TMEM26: variants seen among roughly 807,000 people sequenced by gnomAD.
TMEM26 encodes transmembrane protein 26.
Under a neutral mutation model 28.8 loss-of-function variants are expected in TMEM26, and 38 were observed. The observed-to-expected ratio is 1.32, with a 90% CI of 1.02 to 1.73. The LOEUF (loss-of-function observed/expected upper bound fraction) is 1.73, where lower values mean the gene tolerates loss of function less well. Among genes scored for constraint, TMEM26 ranks in the 40% most tolerant of loss-of-function variants. The pLI, the probability that TMEM26 is intolerant of heterozygous loss-of-function variation, is 0.00. For synonymous variants in TMEM26, 227 were observed against 182.9 expected (o/e 1.24, Z -1.95); for missense variants, 518 against 447.1 (o/e 1.16, Z -1.43).
chr10:61,445,053 T>C (rs1220138065), intron 1 of TMEM26, among the ~76,000 whole-genome samples: 2 of 152,238 alleles, frequency 1.3e-5, no homozygotes, highest in African/African-American at 4.8e-5. Context: ...ATTAGCGTAC[T>C]CACCCTAAAA....
intron 4 of TMEM26, among the ~76,000 whole-genome samples, chr10:61,415,388 A>C (rs927756782): frequency 5.3e-5 from 8 of 152,120 alleles, no homozygotes; most frequent in Non-Finnish European, 1.0e-4. Flanking sequence ...CTCTTTACAC[A>C]GTCAATGTCT....
At chr10:61,420,564 C>A (rs1223087060) in intron 4 of TMEM26, among the ~76,000 whole-genome samples, 1 of 151,970 alleles carries the variant, frequency 6.6e-6, no homozygotes, top group East Asian at 1.9e-4. Flanking sequence ...AATGGTGGAT[C>A]TTTGTTTTTA....
intron 1 of TMEM26, among the ~76,000 whole-genome samples, chr10:61,436,912 C>A (rs1351725755): frequency 6.6e-6 from 1 of 152,188 alleles, no homozygotes; most frequent in Admixed American, 6.5e-5. Context: ...ATCCAACACA[C>A]TCAGGTTCAA....
At chr10:61,445,078 G>A (rs1840157296) in intron 1 of TMEM26, among the ~76,000 whole-genome samples, 1 of 152,130 alleles carries the variant, frequency 6.6e-6, no homozygotes, top group African/African-American at 2.4e-5. Context: ...AATTAAGATG[G>A]CAACTAATGT....
intron 1 of TMEM26, among the ~76,000 whole-genome samples, chr10:61,444,179 T>C (rs1224881895): frequency 6.6e-6 from 1 of 152,200 alleles, no homozygotes; most frequent in African/African-American, 2.4e-5. Context: ...TTTGTGAAAA[T>C]TTATTTGGTT....
rs1839649478 is a variant in TMEM26, at chr10:61,416,190, C to A, written c.606-2655G>T. Reference sequence around the variant, plus strand: ...CAATAGATGCAAAAGAAATTTTTCACAAGATCTTTTGAAGTTTCATCTAAT... The same window carrying A: ...CAATAGATGCAAAAGAAATTTTTCAAAAGATCTTTTGAAGTTTCATCTAAT... On this transcript the variant is annotated intron_variant, in intron 4 of 5. Transcript: ENST00000399298. The A allele has an allele frequency of 9.6e-6, 4 of 418,042 alleles. No individual in the cohort carries two copies. The Admixed American group carries it at 1.2e-4, about 12-fold the overall frequency. The allele number at this position is 418,042 out of a possible 1,614,324, so 25.9% of individuals were successfully genotyped here. A position where few individuals can be genotyped will look rare whatever the true frequency, so the allele number is the denominator to read the frequency against.
In TMEM26 at chr10:61,410,346, G is replaced by T; in HGVS notation, c.1083C>A (p.Ser361=). ...AIPLRGSPVT[S]DDSHHTP is the part of the protein sequence containing the mutation. ...ACTAAGGGGTGTGGTGGGAGTCGTCGGAGGTGACTGGGGAGCCCCGCAAAG... is the reference window on the plus strand; with the variant it reads ...ACTAAGGGGTGTGGTGGGAGTCGTCTGAGGTGACTGGGGAGCCCCGCAAAG... Residue 361 remains serine (S), a synonymous_variant, in exon 6 of 6, where the codon TCC becomes TCA. Coordinates refer to ENST00000399298, the MANE Select transcript of TMEM26 (RefSeq NM_178505.8). 6.2e-7 allele frequency: 1 copy of T among 1,613,098 alleles called. No homozygotes were observed. The highest frequency in any genetic ancestry group is 8.5e-7 in the Non-Finnish European group (1 of 1,179,364).
intron 4 of TMEM26, among the ~76,000 whole-genome samples, chr10:61,421,278 A>C (rs1045613918): frequency 3.3e-5 from 5 of 152,182 alleles, no homozygotes; most frequent in African/African-American, 1.2e-4. Flanking sequence ...AGAAAACAAA[A>C]GAGTAGAGGA....
Position 61,444,609 on chromosome 10 carries a change from G to A in TMEM26, c.191+8282C>T, listed in dbSNP as rs188646025. ...ACATTGTGTTCTAAGCAAAATCATCGCAGTCTTCCTTTAGCTGGTCACTTG... is the reference window on the plus strand; with the variant it reads ...ACATTGTGTTCTAAGCAAAATCATCACAGTCTTCCTTTAGCTGGTCACTTG... On this transcript the variant is annotated intron_variant, in intron 1 of 5. Coordinates refer to ENST00000399298, the MANE Select transcript of TMEM26 (RefSeq NM_178505.8). Among the ~76,000 whole-genome samples the A allele has an allele frequency of 1.5e-4, 22 of 148,122 alleles. No homozygotes were observed. The East Asian group carries it at 2.2e-3, about 15-fold the overall frequency.
chr10:61,418,892 G>C (rs183200649), intron 4 of TMEM26, among the ~76,000 whole-genome samples: 3 of 152,138 alleles, frequency 2.0e-5, no homozygotes, highest in Admixed American at 1.3e-4. Context: ...CAAAAGCTAA[G>C]GCAGACATGA....
chr10:61,429,600 C>G (rs761365628), intron 3 of TMEM26, among the ~76,000 whole-genome samples: 1 of 151,844 alleles, frequency 6.6e-6, no homozygotes, highest in Non-Finnish European at 1.5e-5. Flanking sequence ...CAAATCTTCT[C>G]TTTGTTTTTT....
chr10:61,417,599 A>G (rs1589027184), intron 4 of TMEM26, among the ~76,000 whole-genome samples: 1 of 151,942 alleles, frequency 6.6e-6, no homozygotes, highest in Non-Finnish European at 1.5e-5. Flanking sequence ...ATTAGCCTCA[A>G]CTCTGCAAAA....
intron 4 of TMEM26, among the ~76,000 whole-genome samples, chr10:61,417,862 C>T (rs890598013): frequency 2.6e-5 from 4 of 151,970 alleles, no homozygotes; most frequent in Non-Finnish European, 5.9e-5. Context: ...AAAAGGTCAG[C>T]AAATCCTTTC....
chr10:61,428,734 T>A lies in TMEM26; in HGVS notation c.605+192A>T, dbSNP rs1190898221. On this transcript the variant is annotated intron_variant, in intron 4 of 5. Transcript: ENST00000399298. ...CTTTCTCTAGCAGAAATCTCCTTTG[T>A]GTATTTCTTAAAAAACATAAAGACT... is the stretch of plus-strand genomic sequence containing the variant. 2.0e-5 allele frequency among the ~76,000 whole-genome samples: 3 copies of A among 152,160 alleles called. No homozygotes were observed. The East Asian group carries it at 5.8e-4, about 29-fold the overall frequency.
At chr10:61,430,065 G>A (rs1431641476) in intron 3 of TMEM26, among the ~76,000 whole-genome samples, 2 of 152,072 alleles carry the variant, frequency 1.3e-5, no homozygotes, top group Admixed American at 6.6e-5. Flanking sequence ...CCATCTGTAC[G>A]CTTTCTTATA....
At chr10:61,418,533 CA>C (rs899348517) in intron 4 of TMEM26, among the ~76,000 whole-genome samples, 5 of 151,736 alleles carry the variant, frequency 3.3e-5, no homozygotes, top group African/African-American at 1.2e-4. Context: ...AGCAAAAAAA[CA>C]AAAAAACCCT....
At chr10:61,419,589 A>G (rs996636102) in intron 4 of TMEM26, among the ~76,000 whole-genome samples, 3 of 152,124 alleles carry the variant, frequency 2.0e-5, no homozygotes, top group African/African-American at 7.2e-5. Context: ...GAGATGGCAG[A>G]AAAAACAATC....
chr10:61,443,583 C>T (rs12244720), intron 1 of TMEM26, among the ~76,000 whole-genome samples: 14,843 of 152,098 alleles, frequency 0.098, 1,536 homozygotes, highest in African/African-American at 0.26. Flanking sequence ...TTGAGAAAAT[C>T]CATTGCAATG....
chr10:61,417,445 C>A, intron 4 of TMEM26, among the ~76,000 whole-genome samples: 1 of 145,362 alleles, frequency 6.9e-6, no homozygotes, highest in Admixed American at 7.0e-5. Flanking sequence ...AAGACAGAAT[C>A]AGTGGATAGA....
Sources: allele counts gnomAD v4.1 joint callset (sites outside exome capture counted in the v4.1 genomes callset), GRCh38; gene constraint gnomAD v4.1.1; transcripts MANE v1.5; gene names NCBI Gene and HGNC (gene_info 2026-07-23, HGNC 2026-07-21).